Variants in RARB observed in about 807,000 individuals in gnomAD.
RARB encodes HBV-activated protein.
In RARB, 17 loss-of-function variants were observed where a neutral mutation model predicts 51.9. The observed-to-expected ratio is 0.33, with a 90% CI of 0.22 to 0.49. RARB has a LOEUF of 0.49. RARB is among the 20% of genes least tolerant of loss of function. The pLI, the probability that RARB is intolerant of heterozygous loss-of-function variation, is 0.99. For missense variants in RARB, 369 were observed against 550.8 expected, an observed-to-expected ratio of 0.67 and a Z score of 3.30; for synonymous variants, 215 against 195.4, an observed-to-expected ratio of 1.10 and a Z score of -0.84.
At chr3:25,191,718 C>G (rs560390271) in intron 5 of RARB, among the ~76,000 whole-genome samples, 6 of 152,180 alleles carry the variant, frequency 3.9e-5, no homozygotes, top group African/African-American at 1.4e-4. Context: ...AATGGCACCT[C>G]CCAAACCAGA....
chr3:25,156,748 G>C (rs138499471), intron 4 of RARB, among the ~76,000 whole-genome samples: 1 of 152,080 alleles, frequency 6.6e-6, no homozygotes, highest in African/African-American at 2.4e-5. Flanking sequence ...TGGCCCAGAG[G>C]AATTTTTAGG....
intron 2 of RARB, among the ~76,000 whole-genome samples, chr3:24,968,728 A>T (rs922706002): frequency 6.6e-6 from 1 of 152,122 alleles, no homozygotes; most frequent in Non-Finnish European, 1.5e-5. Flanking sequence ...GCAAGTCCCA[A>T]TGTGCAAATA....
intron 3 of RARB, among the ~76,000 whole-genome samples, chr3:25,131,098 T>C (rs1322505194): frequency 6.6e-6 from 1 of 151,916 alleles, no homozygotes; most frequent in Non-Finnish European, 1.5e-5. Flanking sequence ...AATCAACCTC[T>C]TTGTCTTCTG....
rs1327271746 is a variant in RARB, at chr3:25,431,725, C to A, written c.157+2837C>A. Among the ~76,000 whole-genome samples, 3 of 151,910 alleles carry A rather than the reference C, an allele frequency of 2.0e-5. No individual in the cohort carries two copies. In the East Asian group the frequency reaches 5.8e-4, roughly 29 times the overall value. On this transcript the variant is annotated intron_variant, in intron 1 of 7. Transcript: ENST00000330688. ...TGTCTTTTCTCCCTACTCAACACAT[C>A]AAAAGGAAAAAGAAAAAAATATTTT...
At chr3:25,181,579 A>C (rs1423696865) in intron 5 of RARB, among the ~76,000 whole-genome samples, 1 of 152,210 alleles carries the variant, frequency 6.6e-6, no homozygotes, top group East Asian at 1.9e-4. Flanking sequence ...CAAATAATAA[A>C]GAAGTGCCTC....
intron 5 of RARB, among the ~76,000 whole-genome samples, chr3:25,329,436 G>C (rs1259360449): frequency 6.6e-6 from 1 of 152,188 alleles, no homozygotes; most frequent in Non-Finnish European, 1.5e-5. Flanking sequence ...CAGACCTGCA[G>C]CTGAGGGTCC....
chr3:25,232,728 G>T (rs536803085), intron 5 of RARB, among the ~76,000 whole-genome samples: 1 of 152,000 alleles, frequency 6.6e-6, no homozygotes, highest in East Asian at 1.9e-4. Context: ...CTTTACAATG[G>T]TCCAAAAATG....
At chr3:24,911,400 C>T (rs73823032) in intron 2 of RARB, among the ~76,000 whole-genome samples, 1,567 of 152,214 alleles carry the variant, frequency 0.01, 26 homozygotes, top group African/African-American at 0.032. Context: ...TTTAAGGATG[C>T]TAAACCTGGA....
chr3:25,366,114 C>G (rs1433593367), intron 5 of RARB, among the ~76,000 whole-genome samples: 1 of 152,192 alleles, frequency 6.6e-6, no homozygotes, highest in East Asian at 1.9e-4. Context: ...CGTTCAAGGC[C>G]TTTATGCATT....
At chr3:25,568,367 G>A (rs1354605258) in intron 3 of RARB, among the ~76,000 whole-genome samples, 1 of 152,100 alleles carries the variant, frequency 6.6e-6, no homozygotes, top group Non-Finnish European at 1.5e-5. Context: ...CTGATAAAAG[G>A]ATCAAGTGAG....
At chr3:24,933,592 G>C (rs1365358445) in intron 2 of RARB, among the ~76,000 whole-genome samples, 1 of 152,130 alleles carries the variant, frequency 6.6e-6, no homozygotes, top group East Asian at 1.9e-4. Context: ...GGACTCTACA[G>C]CTAAGACATA....
intron 3 of RARB, among the ~76,000 whole-genome samples, chr3:25,555,772 T>A (rs939189741): frequency 3.9e-5 from 6 of 152,274 alleles, no homozygotes; most frequent in Admixed American, 2.0e-4. Flanking sequence ...GCCCCGGGGA[T>A]GTTGGAGTTC....
chr3:25,480,934 T>G (rs1696196318), intron 2 of RARB, among the ~76,000 whole-genome samples: 1 of 152,142 alleles, frequency 6.6e-6, no homozygotes. Flanking sequence ...TTCCCAGAGT[T>G]TCAGGTTCAG....
intron 5 of RARB, among the ~76,000 whole-genome samples, chr3:25,320,543 T>A (rs1704542916): frequency 6.6e-6 from 1 of 152,180 alleles, no homozygotes; most frequent in African/African-American, 2.4e-5. Flanking sequence ...ATTTCCAACA[T>A]TTTTCCCTTC....
chr3:25,409,199 A>C (rs939451622), intron 5 of RARB, among the ~76,000 whole-genome samples: 16 of 152,146 alleles, frequency 1.1e-4, no homozygotes, highest in South Asian at 2.1e-4. Context: ...CCAGAGAAAA[A>C]TGTGTAGTTC....
intron 2 of RARB, among the ~76,000 whole-genome samples, chr3:25,009,459 A>C (rs1315621878): frequency 6.6e-6 from 1 of 152,090 alleles, no homozygotes; most frequent in African/African-American, 2.4e-5. Flanking sequence ...AAAATGGGTA[A>C]TTGTGATCGG....
At chr3:25,459,619 G>A (rs897938617) in intron 1 of RARB, among the ~76,000 whole-genome samples, 3 of 152,154 alleles carry the variant, frequency 2.0e-5, no homozygotes, top group African/African-American at 7.2e-5. Flanking sequence ...GTTGTGAGAG[G>A]CGATGGTGGA....
chr3:25,255,071 C>T (rs1394774801), intron 5 of RARB, among the ~76,000 whole-genome samples: 1 of 152,160 alleles, frequency 6.6e-6, no homozygotes, highest in Admixed American at 6.6e-5. Flanking sequence ...AAACATCAGG[C>T]TTACTGACCA....
intron 5 of RARB, among the ~76,000 whole-genome samples, chr3:25,179,182 C>A (rs1023967346): frequency 6.6e-6 from 1 of 152,088 alleles, no homozygotes; most frequent in Non-Finnish European, 1.5e-5. Flanking sequence ...AGTCTTATTT[C>A]TATTTTTTGT....
Sources: allele counts gnomAD v4.1 joint callset (sites outside exome capture counted in the v4.1 genomes callset), GRCh38; gene constraint gnomAD v4.1.1; transcripts MANE v1.5; gene names NCBI Gene and HGNC (gene_info 2026-07-23, HGNC 2026-07-21).